Variants in SKOR2 observed in about 807,000 individuals in gnomAD.
SKOR2 encodes SKI family transcriptional corepressor 2, also known as LBX1 corepressor 1-like protein.
In SKOR2, 47 loss-of-function variants were observed where a neutral mutation model predicts 69.1. The ratio of observed to expected loss-of-function variants is 0.68; its 90% CI spans 0.54 to 0.87. The LOEUF (loss-of-function observed/expected upper bound fraction) is 0.87, where lower values mean the gene tolerates loss of function less well. SKOR2 is among the 40% of genes least tolerant of loss of function. SKOR2 has a pLI of 0.00. For missense variants in SKOR2, 1,404 were observed against 1,472.2 expected (o/e 0.95, Z 0.76); for synonymous variants, 717 against 672.6 (o/e 1.07, Z -1.02).
intron 6 of SKOR2, among the ~76,000 whole-genome samples, chr18:47,222,630 A>G (rs958261608): frequency 2.0e-5 from 3 of 152,224 alleles, no homozygotes; most frequent in African/African-American, 7.2e-5. Flanking sequence ...ACTGGAGCAC[A>G]TGGCAAGCAT....
At chr18:47,234,864 G>A (rs865789375) in intron 4 of SKOR2, among the ~76,000 whole-genome samples, 11 of 109,078 alleles carry the variant, frequency 1.0e-4, no homozygotes, top group Admixed American at 2.0e-4. Flanking sequence ...CCATCTCAGG[G>A]AAAAAAAAAA....
Position 47,249,003 on chromosome 18 carries a change from G to A in SKOR2, c.181C>T (p.Arg61Cys), listed in dbSNP as rs2064300086. 1 of 1,551,932 alleles carries A rather than the reference G, an allele frequency of 6.4e-7. No homozygotes were observed. The highest frequency in any genetic ancestry group is 8.7e-7 in the Non-Finnish European group (1 of 1,155,218). ...IVSLVIDGQE[R>C]LCLAQISNTL... is the part of the protein sequence containing the mutation. ...TTGGAGATCTGCGCCAGGCACAGGC[G>A]CTCTTGCCCGTCGATCACCAACGAC... The change falls in exon 2 of 9, where the codon CGC becomes TGC. Residue 61 changes from arginine (R) to cysteine (C), a missense_variant. Transcript: ENST00000425639.
chr18:47,213,915 G>T (rs2064135779), intron 7 of SKOR2, among the ~76,000 whole-genome samples: 1 of 152,120 alleles, frequency 6.6e-6, no homozygotes, highest in Non-Finnish European at 1.5e-5. Flanking sequence ...GGTATATGCT[G>T]CAATGTGCCA....
Position 47,241,897 on chromosome 18 carries a change from TA to T in SKOR2, c.2752+3010del, listed in dbSNP as rs368640948. On this transcript the variant is annotated intron_variant, in intron 4 of 8. Coordinates refer to ENST00000425639, the MANE Select transcript of SKOR2 (RefSeq NM_001278063.4). Reference sequence around the variant, plus strand: ...GTTTCTCTGGGAATCTGTATCAAATTAATTATTGTGAGGTAGGGACTAGCAA... The same window carrying T: ...GTTTCTCTGGGAATCTGTATCAAATTATTATTGTGAGGTAGGGACTAGCAA... 3.2e-3 allele frequency among the ~76,000 whole-genome samples: 490 copies of T among 152,258 alleles called. 6 individuals are homozygous for T. The highest frequency in any genetic ancestry group is 3.1e-3 in the East Asian group (16 of 5,186).
At chr18:47,231,862 A>G (rs908739300) in intron 4 of SKOR2, among the ~76,000 whole-genome samples, 1 of 149,312 alleles carries the variant, frequency 6.7e-6, no homozygotes, top group African/African-American at 2.5e-5. Flanking sequence ...AAAAAAAATC[A>G]ACTTAAAGCT....
chr18:47,249,289 G>C, intron 1 of SKOR2, 59 bp from the exon 2 acceptor site: 1 of 1,345,442 alleles, frequency 7.4e-7, no homozygotes, highest in Admixed American at 2.9e-5. Flanking sequence ...CAGAGGGGTG[G>C]GATGAATCGC....
intron 6 of SKOR2, among the ~76,000 whole-genome samples, chr18:47,224,030 C>T (rs1039827903): frequency 5.3e-5 from 8 of 151,782 alleles, no homozygotes; most frequent in South Asian, 2.1e-4. Flanking sequence ...CTCAGCCTCC[C>T]GAGTAGCTGG....
intron 7 of SKOR2, among the ~76,000 whole-genome samples, chr18:47,216,545 G>A (rs776744170): frequency 7.2e-5 from 11 of 152,086 alleles, no homozygotes; most frequent in Non-Finnish European, 1.3e-4. Context: ...CATTTAACAC[G>A]GGAAAAAGAA....
At chr18:47,228,113 C>T (rs1568086023) in intron 6 of SKOR2, among the ~76,000 whole-genome samples, 1 of 152,170 alleles carries the variant, frequency 6.6e-6, no homozygotes, top group Non-Finnish European at 1.5e-5. Flanking sequence ...CTAAATCTGT[C>T]CCCTAGCCTC....
At chr18:47,214,207 C>G (rs994197219) in intron 7 of SKOR2, among the ~76,000 whole-genome samples, 2 of 152,154 alleles carry the variant, frequency 1.3e-5, no homozygotes, top group Non-Finnish European at 2.9e-5. Flanking sequence ...AGAAACCCGC[C>G]TGAAGGATTC....
chr18:47,237,863 T>G (rs1412605713), intron 4 of SKOR2, among the ~76,000 whole-genome samples: 1 of 152,020 alleles, frequency 6.6e-6, no homozygotes, highest in Non-Finnish European at 1.5e-5. Context: ...TTAAAAATAT[T>G]TTGTAGGTCT....
At position 47,246,696 on chromosome 18, in the gene SKOR2, CG is replaced by C; in HGVS notation, c.2487del (p.Gly830AlafsTer52). Reference protein sequence around the residue: ...LLQEDGKLGDPGSDLPPPPPP... With the variant: ...LLQEDGKLGDXGSDLPPPPPP... ...GGCGGGGGCGGGGGCAGGTCCGAGC[CG>C]GGGTCCCCGAGTTTCCCGTCTTCCT... On this transcript the variant is annotated frameshift_variant, in exon 2 of 9. Coordinates refer to ENST00000425639, the MANE Select transcript of SKOR2 (RefSeq NM_001278063.4). LOFTEE classifies it high-confidence loss of function. The C allele has an allele frequency of 6.8e-7, 1 of 1,462,542 alleles. No homozygotes were observed. 90.6% of individuals were successfully genotyped at this position (1,462,542 alleles called of 1,614,324 possible).
At chr18:47,215,445 G>T (rs1334889959) in intron 7 of SKOR2, among the ~76,000 whole-genome samples, 5 of 152,002 alleles carry the variant, frequency 3.3e-5, no homozygotes, top group African/African-American at 1.2e-4. Context: ...CCATCCTAAT[G>T]AATATTGGAG....
In SKOR2 at chr18:47,239,967, T is replaced by G. The variant is rs2051759540; in HGVS notation, c.2752+4941A>C. Among the ~76,000 whole-genome samples, 3 of 129,332 alleles carry G rather than the reference T, an allele frequency of 2.3e-5. No individual in the cohort carries two copies. The South Asian group carries it at 7.8e-4, about 34-fold the overall frequency. 84.8% of individuals were successfully genotyped at this position (129,332 alleles called of 152,430 possible). On this transcript the variant is annotated intron_variant, in intron 4 of 8. Transcript: ENST00000425639. ...TCTATACTTCAAAGAATTTTTCTTA[T>G]TTTTTGCTTTTTTTTAAAAAAATCA...
chr18:47,247,675 C>G lies in SKOR2; in HGVS notation c.1509G>C (p.Pro503=). ...SALGCALGES[P]ALLRQAFLDL... ...CCAGGAAGGCCTGGCGCAGCAGGGC[C>G]GGGCTTTCGCCTAGCGCGCAGCCTA... The change falls in exon 2 of 9, where the codon CCG becomes CCC. Residue 503 remains proline (P), a synonymous_variant. Coordinates refer to ENST00000425639, the MANE Select transcript of SKOR2 (RefSeq NM_001278063.4). This position sits in a 1 kb window ranked among gnomAD's most constrained non-coding sequence, Gnocchi z 6.6. The G allele has an allele frequency of 7.3e-7, 1 of 1,371,050 alleles. No individual in the cohort carries two copies. Among genetic ancestry groups the G allele is most frequent in the Non-Finnish European group, 9.4e-7 (1 of 1,067,086 alleles). The allele number at this position is 1,371,050 out of a possible 1,614,324, so 84.9% of individuals were successfully genotyped here. A position where few individuals can be genotyped will look rare whatever the true frequency, so the allele number is the denominator to read the frequency against.
intron 7 of SKOR2, among the ~76,000 whole-genome samples, chr18:47,212,837 G>A (rs1486299083): frequency 1.3e-5 from 2 of 151,982 alleles, no homozygotes; most frequent in Admixed American, 6.6e-5. Context: ...GCCAAGTGTG[G>A]TGGCACACAC....
At chr18:47,214,577 C>G (rs2144478854) in intron 7 of SKOR2, among the ~76,000 whole-genome samples, 1 of 152,262 alleles carries the variant, frequency 6.6e-6, no homozygotes, top group African/African-American at 2.4e-5. Context: ...GTAGCATGGC[C>G]AGTTGTTCCT....
chr18:47,220,042 C>T, intron 6 of SKOR2, 32 bp from the exon 7 acceptor site: 1 of 1,509,502 alleles, frequency 6.6e-7, no homozygotes, highest in Non-Finnish European at 8.9e-7. Context: ...GAAAGATTAA[C>T]TAAAGTGTAA....
chr18:47,234,152 A>G (rs1009283294), intron 4 of SKOR2, among the ~76,000 whole-genome samples: 4 of 152,162 alleles, frequency 2.6e-5, no homozygotes, highest in African/African-American at 9.7e-5. Context: ...TGCCTTTCGT[A>G]TATTACTAAT....
Sources: allele counts gnomAD v4.1 joint callset (sites outside exome capture counted in the v4.1 genomes callset), GRCh38; gene constraint gnomAD v4.1.1; non-coding constraint Gnocchi (gnomAD v3.1); transcripts MANE v1.5; gene names NCBI Gene and HGNC (gene_info 2026-07-23, HGNC 2026-07-21).